Variants in BRWD3 observed in about 807,000 individuals in gnomAD.
BRWD3 encodes bromodomain and WD repeat domain containing 3.
A neutral mutation model predicts 149.7 loss-of-function variants in BRWD3; 10 were observed. The ratio of observed to expected loss-of-function variants is 0.07; its 90% CI spans 0.04 to 0.11. BRWD3 has a LOEUF of 0.11. BRWD3 is among the 10% of genes least tolerant of loss of function. BRWD3 has a pLI of 1.00. For synonymous variants in BRWD3, 504 were observed against 456.7 expected (o/e 1.10, Z -1.32); for missense variants, 940 against 1,373.2 (o/e 0.68, Z 4.99).
intron 6 of BRWD3, among the ~76,000 whole-genome samples, chrX:80,762,108 A>T (rs1029583666): frequency 8.9e-6 from 1 of 111,735 alleles, no homozygotes; most frequent in Non-Finnish European, 1.9e-5. Flanking sequence ...AAAGATGCAA[A>T]CCTCAAAGAT....
At chrX:80,730,431 A>AAGAAAGAAAGAAAGAAAGAAAGAC (rs2073312483) in intron 12 of BRWD3, among the ~76,000 whole-genome samples, 1 of 110,234 alleles carries the variant, frequency 9.1e-6, no homozygotes, top group Non-Finnish European at 1.9e-5. Context: ...GAAAGAAAGA[A>AAGAAAGAAAGAAAGAAAGAAAGAC]AGAAAGAAAG....
In BRWD3 at chrX:80,762,839, G is replaced by A. The variant is rs900007222; in HGVS notation, c.431-17110C>T. On this transcript the variant is annotated intron_variant, in intron 6 of 40. Coordinates refer to ENST00000373275, the MANE Select transcript of BRWD3 (RefSeq NM_153252.5). ...TGAGGTGAATTTTGTAGAATGTCTAGCACAGTAGGCATTTATTCATTAAAG... is the reference window on the plus strand; with the variant it reads ...TGAGGTGAATTTTGTAGAATGTCTAACACAGTAGGCATTTATTCATTAAAG... Among the ~76,000 whole-genome samples, 10 of 111,051 alleles carry A rather than the reference G, an allele frequency of 9.0e-5. No homozygotes were observed. In the Admixed American group the frequency reaches 9.6e-4, roughly 11 times the overall value.
Position 80,686,873 on chromosome X carries a change from A to G in BRWD3, c.3995T>C (p.Leu1332Pro). Reference protein sequence around the residue: ...SEPFRQPADLLSYPGHQEQEG... With the variant: ...SEPFRQPADLPSYPGHQEQEG... ...CAACTGTATGCTTACTGGGTAAGAA[A>G]GAAGATCAGCTGGCTGTCGAAATGG... Residue 1332 changes from leucine (L) to proline (P), a missense_variant, in exon 35 of 41, where the codon CTT becomes CCT. This residue lies in a region of BRWD3 where 349 missense variants were observed against 419.6 expected (regional missense o/e 0.83). Coordinates refer to ENST00000373275, the MANE Select transcript of BRWD3 (RefSeq NM_153252.5). 1 of 1,209,944 alleles carries G rather than the reference A, an allele frequency of 8.3e-7. No homozygotes were observed. Among genetic ancestry groups the G allele is most frequent in the Non-Finnish European group, 1.1e-6 (1 of 894,207 alleles).
At chrX:80,687,029 T>TA (rs1468299209) in intron 34 of BRWD3, 26 bp from the exon 35 acceptor site, 4 of 1,198,819 alleles carry the variant, frequency 3.3e-6, no homozygotes, top group Non-Finnish European at 4.5e-6. Flanking sequence ...GAGTTATATC[T>TA]AAAAGATCTT....
Position 80,676,927 on chromosome X carries a change from T to C in BRWD3, c.5091A>G (p.Arg1697=). ...CCCTAGTGCCACCTCCACCTCTTCC[T>C]CGACTCCCTCGTCCCCTGCCTCCTC... ...RGRGGRGRGS[R]GRGGGGTRGR... The change falls in exon 41 of 41, where the codon CGA becomes CGG. Residue 1697 remains arginine, a synonymous_variant. Transcript: ENST00000373275. 1 of 1,201,435 alleles carries C rather than the reference T, an allele frequency of 8.3e-7. No homozygotes were observed. Among genetic ancestry groups the C allele is most frequent in the Non-Finnish European group, 1.1e-6 (1 of 886,896 alleles).
chrX:80,715,302 T>C (rs759732041), intron 20 of BRWD3, among the ~76,000 whole-genome samples: 1 of 111,104 alleles, frequency 9.0e-6, no homozygotes, highest in East Asian at 2.9e-4. Context: ...AAAGCAAACA[T>C]CAAAATGATC....
In BRWD3 at chrX:80,673,286, A is replaced by G. The variant is rs1210117061; in HGVS notation, c.*3323T>C. The G allele has an allele frequency of 3.6e-5, 4 of 111,036 alleles. No homozygotes were observed. In the South Asian group the frequency reaches 1.5e-3, roughly 42 times the overall value. The allele number at this position is 111,036 out of a possible 1,213,427, so 9.2% of individuals were successfully genotyped here. Reference sequence around the variant, plus strand: ...GCCTGATTTCTGGGGAGGGAAAAAAAAGAAAAAAAATTAAAAAGGGAAATA... The same window carrying G: ...GCCTGATTTCTGGGGAGGGAAAAAAGAGAAAAAAAATTAAAAAGGGAAATA... On this transcript the variant is annotated 3_prime_UTR_variant, in exon 41 of 41. Transcript: ENST00000373275.
At position 80,696,819 on chromosome X, in the gene BRWD3, G is replaced by A. The variant is rs2072706380; in HGVS notation, c.2988C>T (p.Gly996=). Residue 996 remains glycine (G), a synonymous_variant, in exon 26 of 41, where the codon GGC becomes GGT. Coordinates refer to ENST00000373275, the MANE Select transcript of BRWD3 (RefSeq NM_153252.5). ...GCTTCAAGCAGCACAGTGTGGGTGG[G>A]CCAACCTCATATTTGATTCCTACAA... is the stretch of plus-strand genomic sequence containing the variant. The part of the protein sequence containing the change: ...VKIVGIKYEV[G]PPTLCCLKLA... 8.3e-7 allele frequency: 1 copy of A among 1,205,025 alleles called. No individual in the cohort carries two copies. Among genetic ancestry groups the A allele is most frequent in the Non-Finnish European group, 1.1e-6 (1 of 891,376 alleles).
intron 37 of BRWD3, among the ~76,000 whole-genome samples, chrX:80,683,134 C>A (rs1456694918): frequency 1.8e-5 from 2 of 111,312 alleles, no homozygotes; most frequent in African/African-American, 6.5e-5. Flanking sequence ...AACAGAATAC[C>A]ATTAAAAACC....
chrX:80,688,709 G>A (rs2072568573), intron 33 of BRWD3, among the ~76,000 whole-genome samples: 1 of 110,664 alleles, frequency 9.0e-6, no homozygotes, highest in African/African-American at 3.3e-5. Flanking sequence ...AAATAAAGCT[G>A]TTGAGTTACA....
intron 20 of BRWD3, among the ~76,000 whole-genome samples, chrX:80,711,594 G>C (rs1465809444): frequency 9.0e-6 from 1 of 111,718 alleles, no homozygotes; most frequent in African/African-American, 3.3e-5. Flanking sequence ...ATTTAAGTCT[G>C]AAAAGAAACA....
chrX:80,692,066 T>C (rs1178941783), intron 29 of BRWD3, 23 bp downstream of exon 29: 1 of 1,199,244 alleles, frequency 8.3e-7, no homozygotes, highest in Admixed American at 2.2e-5. Context: ...GAATTATAAT[T>C]CATTTTTTAA....
rs1433615268 is a variant in BRWD3, at chrX:80,676,978, A to G, written c.5040T>C (p.Gly1680=). The G allele has an allele frequency of 5.8e-6, 7 of 1,202,066 alleles. No individual in the cohort carries two copies. The highest frequency in any genetic ancestry group is 7.9e-6 in the Non-Finnish European group (7 of 889,344). ...TTCCTCTGCCTCCTCTACTCCATCT[A>G]CCCCATCTTCCCCATCTGCCTCTTC... ...TGGRGRWGRW[G]RWSRGGRGRG... is the part of the protein sequence containing the mutation. Residue 1680 remains glycine (G), a synonymous_variant, in exon 41 of 41, where the codon GGT becomes GGC. Transcript: ENST00000373275.
chrX:80,725,702 A>C (rs1038746563), intron 14 of BRWD3, among the ~76,000 whole-genome samples: 2 of 112,211 alleles, frequency 1.8e-5, no homozygotes, highest in Non-Finnish European at 3.8e-5. Flanking sequence ...CATGTGTTAC[A>C]TGCCTATATA....
intron 6 of BRWD3, among the ~76,000 whole-genome samples, chrX:80,752,692 T>TG (rs1294774819): frequency 2.7e-5 from 3 of 111,967 alleles, no homozygotes; most frequent in Non-Finnish European, 5.6e-5. Context: ...TTTCTTGAGA[T>TG]GAAGTCTTGC....
intron 12 of BRWD3, among the ~76,000 whole-genome samples, chrX:80,730,389 AAAAGAAAGAAAGAAAGAAAGAAAGAAAG>A (rs56311451): frequency 2.6e-5 from 2 of 77,661 alleles, no homozygotes; most frequent in African/African-American, 9.9e-5. Flanking sequence ...ATTATTTAGC[AAAAGAAAGAAAGAAAGAAAGAAAGAAAG>A]AAAGAAAGAA....
At chrX:80,729,402 C>G (rs1305161042) in intron 13 of BRWD3, among the ~76,000 whole-genome samples, 1 of 111,145 alleles carries the variant, frequency 9.0e-6, no homozygotes, top group African/African-American at 3.3e-5. Flanking sequence ...TAGTTGATTT[C>G]AGGACCATAC....
rs771338843 is a variant in BRWD3 at position 80,763,496 on chromosome X, T to C, written c.431-17767A>G. On this transcript the variant is annotated intron_variant, in intron 6 of 40. Transcript: ENST00000373275. ...TGGGATAGAATAGGCCCTAAGAAGA[T>C]GTTTAAAAACTACTAGAAATAAGAG... is the stretch of plus-strand genomic sequence containing the variant. Among the ~76,000 whole-genome samples, 37 of 112,015 alleles carry C rather than the reference T, an allele frequency of 3.3e-4. 1 individual carries two copies. The highest frequency in any genetic ancestry group is 3.2e-3 in the Admixed American group (34 of 10,475).
intron 6 of BRWD3, among the ~76,000 whole-genome samples, chrX:80,779,576 A>G (rs1028105540): frequency 2.2e-4 from 24 of 111,328 alleles, no homozygotes; most frequent in African/African-American, 7.5e-4. Flanking sequence ...TTAGCCAGGC[A>G]TGGCAGTACA....
Sources: gnomAD v4.1 joint callset for allele counts (sites outside exome capture counted in the v4.1 genomes callset) on GRCh38, gnomAD v4.1.1 for gene constraint, gnomAD v4.1.1 regional missense constraint, MANE v1.5 for transcripts, NCBI Gene and HGNC (gene_info 2026-07-23, HGNC 2026-07-21) for gene names.